The following ABCB4 variants were observed in gnomAD, a reference collection of about 807,000 sequenced individuals.
ABCB4 encodes the protein ATP binding cassette subfamily B member 4, also known as phosphatidylcholine translocator ABCB4.
ABCB4 carries 76 observed loss-of-function variants against 145.7 expected under a neutral mutation model. The ratio of observed to expected loss-of-function variants is 0.52; its 90% CI spans 0.43 to 0.63. The LOEUF (loss-of-function observed/expected upper bound fraction) is 0.63, where lower values mean the gene tolerates loss of function less well. ABCB4 is among the 30% of genes least tolerant of loss of function. ABCB4 has a pLI of 0.00. For missense variants in ABCB4, 1,234 were observed against 1,553.1 expected (o/e 0.79, Z 3.45); for synonymous variants, 517 against 566.8 (o/e 0.91, Z 1.25).
At chr7:87,414,048 T>TTTC (rs1808806746) in intron 21 of ABCB4, among the ~76,000 whole-genome samples, 1 of 152,182 alleles carries the variant, frequency 6.6e-6, no homozygotes, top group Non-Finnish European at 1.5e-5. Flanking sequence ...TCACAACCCC[T>TTTC]TTGTGGCCTG....
chr7:87,392,867 C>T, the ABCB4 span: 50 of 1,609,526 alleles, frequency 3.1e-5, no homozygotes, highest in Middle Eastern at 1.7e-4. Flanking sequence ...TTGGCTTCCT[C>T]TTTTTGTATA....
In ABCB4 at chr7:87,417,777, G is replaced by A. The variant is rs371358133; in HGVS notation, c.2479-262C>T. The stretch of plus-strand genomic sequence containing the variant: ...AAGTAATCAACTTCTCTGCTTTGTG[G>A]ATGGGCACTGGGGGTGCATGTATTT... On this transcript the variant is annotated intron_variant, in intron 20 of 27. Coordinates refer to ENST00000649586, the MANE Select transcript of ABCB4 (RefSeq NM_000443.4). 1.4e-4 allele frequency among the ~76,000 whole-genome samples: 22 copies of A among 152,192 alleles called. 1 individual carries two copies. The highest frequency in any genetic ancestry group is 1.0e-3 in the Admixed American group (16 of 15,282).
chr7:87,392,676 ATC>A, the ABCB4 span: 4 of 1,610,950 alleles, frequency 2.5e-6, no homozygotes, highest in Non-Finnish European at 3.4e-6. Context: ...TGACTTAAAA[ATC>A]TCTCATGGTG....
intron 8 of ABCB4, among the ~76,000 whole-genome samples, chr7:87,449,517 T>C (rs1198985342): frequency 1.3e-5 from 2 of 151,880 alleles, no homozygotes; most frequent in African/African-American, 2.4e-5. Flanking sequence ...CACTGCACCC[T>C]TGACATTCTG....
chr7:87,407,231 A>G (rs1808265891), intron 25 of ABCB4, among the ~76,000 whole-genome samples: 1 of 152,202 alleles, frequency 6.6e-6, no homozygotes, highest in African/African-American at 2.4e-5. Context: ...CTTGATCTCA[A>G]TAAAGAAAAA....
the ABCB4 span, among the ~76,000 whole-genome samples, chr7:87,384,322 A>G: frequency 6.6e-6 from 1 of 152,176 alleles, no homozygotes; most frequent in Non-Finnish European, 1.5e-5. Context: ...ACCTGAGGTC[A>G]GGAGTTTGAG....
At chr7:87,382,569 C>G in the ABCB4 span, 1 of 1,601,334 alleles carries the variant, frequency 6.2e-7, no homozygotes, top group Non-Finnish European at 8.5e-7. Flanking sequence ...TTTCTATTTT[C>G]ACAGTCTTGA....
chr7:87,460,647 T>TAA (rs1812395795), intron 4 of ABCB4, among the ~76,000 whole-genome samples: 2 of 151,422 alleles, frequency 1.3e-5, no homozygotes, highest in South Asian at 4.2e-4. Context: ...TTTATTTATT[T>TAA]ATTTATTTAT....
chr7:87,414,885 G>A (rs1427130875), intron 21 of ABCB4, among the ~76,000 whole-genome samples: 3 of 152,072 alleles, frequency 2.0e-5, no homozygotes, highest in African/African-American at 7.2e-5. Flanking sequence ...ACCTTGAAAG[G>A]GAAATAGTAT....
Position 87,403,236 on chromosome 7 carries a change from C to T in ABCB4, c.3532G>A (p.Gly1178Ser). 6.2e-7 allele frequency: 1 copy of T among 1,614,012 alleles called. No individual in the cohort carries two copies. The highest frequency in any genetic ancestry group is 8.5e-7 in the Non-Finnish European group (1 of 1,179,918). Residue 1178 changes from glycine to serine, a missense_variant, in exon 27 of 28, where the codon GGT becomes AGT. Gly to Ser is a moderately conservative substitution (Grantham distance 56). Transcript: ENST00000649586. ...VGDKGTQLSG[G>S]QKQRIAIARA... ...GCAATAGCAATCCTCTGTTTTTGACCTCCTGAGAGCTGAGTCCCCTTATCT... is the reference window on the plus strand; with the variant it reads ...GCAATAGCAATCCTCTGTTTTTGACTTCCTGAGAGCTGAGTCCCCTTATCT...
intron 25 of ABCB4, 118 bp downstream of exon 25, chr7:87,407,919 G>A: frequency 3.9e-6 from 5 of 1,281,776 alleles, no homozygotes; most frequent in Admixed American, 1.8e-5. Flanking sequence ...TATAGAATGT[G>A]GTCATTGTAT....
At position 87,418,639 on chromosome 7, in the gene ABCB4, G is replaced by A. The variant is rs45593648; in HGVS notation, c.2395-19C>T. Reference sequence around the variant, plus strand: ...TCATGTCCTATGGCATAAAATACACGTTTATGTTAGTTCAAAATTAAAACA... The same window carrying A: ...TCATGTCCTATGGCATAAAATACACATTTATGTTAGTTCAAAATTAAAACA... On this transcript the variant is annotated intron_variant, in intron 19 of 27. Coordinates refer to ENST00000649586, the MANE Select transcript of ABCB4 (RefSeq NM_000443.4). 826 of 1,602,136 alleles carry A rather than the reference G, an allele frequency of 5.2e-4. 6 individuals carry two copies. In the African/African-American group the frequency reaches 8.6e-3, roughly 17 times the overall value.
intron 4 of ABCB4, 116 bp downstream of exon 4, chr7:87,462,642 C>A (rs1812539850): frequency 3.1e-6 from 3 of 967,042 alleles, no homozygotes; most frequent in Non-Finnish European, 4.9e-6. Flanking sequence ...TATCTGGAGT[C>A]AACCAGATAT....
At position 87,440,191 on chromosome 7, in the gene ABCB4, G is replaced by A; in HGVS notation, c.1560+8C>T. 6.2e-7 allele frequency: 1 copy of A among 1,612,604 alleles called. No individual in the cohort carries two copies. The highest frequency in any genetic ancestry group is 8.5e-7 in the Non-Finnish European group (1 of 1,178,660). ...TTTCAAGGACAACTACTTTATCAGAGGCTTTACCTGTGGTAATTTCATGAT... is the reference window on the plus strand; with the variant it reads ...TTTCAAGGACAACTACTTTATCAGAAGCTTTACCTGTGGTAATTTCATGAT... On this transcript the variant is annotated splice_region_variant and intron_variant, in intron 13 of 27. Transcript: ENST00000649586.
the ABCB4 span, chr7:87,369,287 A>G: frequency 1.3e-6 from 1 of 748,130 alleles, no homozygotes. Flanking sequence ...ATACTGGAAG[A>G]ATGCCTACTT....
intron 12 of ABCB4, among the ~76,000 whole-genome samples, chr7:87,442,933 A>T (rs1279889942): frequency 6.6e-6 from 1 of 152,188 alleles, no homozygotes; most frequent in Non-Finnish European, 1.5e-5. Context: ...GATGAATTTA[A>T]TTGCTGTCCT....
chr7:87,394,320 C>T, the ABCB4 span, among the ~76,000 whole-genome samples: 4 of 152,192 alleles, frequency 2.6e-5, no homozygotes, highest in East Asian at 1.9e-4. Flanking sequence ...AGTGATCTTT[C>T]GTGGTTTATT....
intron 14 of ABCB4, among the ~76,000 whole-genome samples, chr7:87,436,944 A>T (rs1166658366): frequency 6.6e-6 from 1 of 152,224 alleles, no homozygotes; most frequent in Non-Finnish European, 1.5e-5. Context: ...CATCTGTATT[A>T]GACCACATGC....
chr7:87,474,647 C>T (rs1238127888), intron 2 of ABCB4, among the ~76,000 whole-genome samples: 1 of 151,982 alleles, frequency 6.6e-6, no homozygotes, highest in Non-Finnish European at 1.5e-5. Flanking sequence ...AGGCTAAAGG[C>T]GAAAATGATT....
Sources: gnomAD v4.1 joint callset for allele counts (sites outside exome capture counted in the v4.1 genomes callset) on GRCh38, gnomAD v4.1.1 for gene constraint, MANE v1.5 for transcripts, NCBI Gene and HGNC (gene_info 2026-07-23, HGNC 2026-07-21) for gene names.